Variants in MAPK10 observed in about 807,000 individuals in gnomAD.
MAPK10 encodes the protein mitogen-activated protein kinase 10, also known as JNK3 alpha protein kinase.
A neutral mutation model predicts 59.3 loss-of-function variants in MAPK10; 25 were observed. The ratio of observed to expected loss-of-function variants is 0.42; its 90% CI spans 0.31 to 0.59. MAPK10 has a LOEUF of 0.59. Among genes scored for constraint, MAPK10 ranks in the 20% least tolerant of loss-of-function variants. MAPK10 has a pLI of 0.15. For synonymous variants in MAPK10, 190 were observed against 200.5 expected, an observed-to-expected ratio of 0.95 and a Z score of 0.44; for missense variants, 351 against 568.9, an observed-to-expected ratio of 0.62 and a Z score of 3.90.
At chr4:86,532,307 A>G (rs938902377) in intron 1 of MAPK10, among the ~76,000 whole-genome samples, 1 of 152,148 alleles carries the variant, frequency 6.6e-6, no homozygotes, top group African/African-American at 2.4e-5. Flanking sequence ...CCAAGCTACT[A>G]TAAGGCAAGA....
At chr4:86,104,197 C>T (rs2056111316) in intron 5 of MAPK10, among the ~76,000 whole-genome samples, 1 of 152,008 alleles carries the variant, frequency 6.6e-6, no homozygotes, top group East Asian at 1.9e-4. Flanking sequence ...GAGAAATTGA[C>T]TCAATTCTAT....
intron 2 of MAPK10, among the ~76,000 whole-genome samples, chr4:86,259,020 A>G (rs1358013996): frequency 6.6e-6 from 1 of 152,194 alleles, no homozygotes; most frequent in African/African-American, 2.4e-5. Flanking sequence ...TAAAGTAATA[A>G]CAAAAAATGT....
At chr4:86,247,164 C>T (rs17011588) in intron 2 of MAPK10, among the ~76,000 whole-genome samples, 28,139 of 152,068 alleles carry the variant, frequency 0.19, 2,993 homozygotes, top group African/African-American at 0.29. Context: ...GATGAGAAAG[C>T]GAAGCCTCTA....
intron 9 of MAPK10, among the ~76,000 whole-genome samples, chr4:86,093,451 T>A (rs2053624979): frequency 6.6e-6 from 1 of 151,972 alleles, no homozygotes; most frequent in African/African-American, 2.4e-5. Context: ...AATTATAAGT[T>A]ATAAAGTTAG....
intron 1 of MAPK10, among the ~76,000 whole-genome samples, chr4:86,439,773 T>C (rs1749202542): frequency 6.6e-6 from 1 of 152,194 alleles, no homozygotes; most frequent in Non-Finnish European, 1.5e-5. Context: ...CAGGTTTGTT[T>C]GTTTCTTGTT....
chr4:86,371,183 G>A (rs941454467), intron 1 of MAPK10, among the ~76,000 whole-genome samples: 4 of 151,496 alleles, frequency 2.6e-5, no homozygotes, highest in East Asian at 3.9e-4. Flanking sequence ...AGTCAAAGTC[G>A]CTATCATTTT....
intron 4 of MAPK10, among the ~76,000 whole-genome samples, chr4:86,140,719 A>G (rs2063460370): frequency 6.6e-6 from 1 of 152,088 alleles, no homozygotes; most frequent in Non-Finnish European, 1.5e-5. Context: ...TTATGTATGC[A>G]TTCTGATTTC....
At chr4:86,158,746 C>T (rs186906621) in intron 4 of MAPK10, among the ~76,000 whole-genome samples, 1 of 151,926 alleles carries the variant, frequency 6.6e-6, no homozygotes, top group East Asian at 1.9e-4. Context: ...TTTTAATTAG[C>T]TACTCAAAAA....
chr4:86,373,047 G>T (rs1739155658), intron 1 of MAPK10, among the ~76,000 whole-genome samples: 1 of 152,166 alleles, frequency 6.6e-6, no homozygotes, highest in Non-Finnish European at 1.5e-5. Flanking sequence ...CATGGTAGTG[G>T]TACCAAAACA....
chr4:86,334,007 G>A (rs2096214827), intron 2 of MAPK10, among the ~76,000 whole-genome samples: 1 of 151,912 alleles, frequency 6.6e-6, no homozygotes, highest in African/African-American at 2.4e-5. Flanking sequence ...CTCCTATTTA[G>A]TGATGAGGAC....
chr4:86,579,882 C>T (rs1349831512), intron 1 of MAPK10, among the ~76,000 whole-genome samples: 1 of 152,108 alleles, frequency 6.6e-6, no homozygotes, highest in African/African-American at 2.4e-5. Flanking sequence ...GGCACGATCA[C>T]AGCTCACTGT....
At chr4:86,590,676 C>T (rs965422885) in intron 1 of MAPK10, among the ~76,000 whole-genome samples, 1 of 151,974 alleles carries the variant, frequency 6.6e-6, no homozygotes, top group Non-Finnish European at 1.5e-5. Flanking sequence ...GTCCTAGCTA[C>T]TTGGGAGGCT....
chr4:86,529,989 A>T (rs1757743224), intron 1 of MAPK10, among the ~76,000 whole-genome samples: 1 of 151,766 alleles, frequency 6.6e-6, no homozygotes, highest in Non-Finnish European at 1.5e-5. Flanking sequence ...TGGCTCTCAA[A>T]CCTAGCTGCA....
intron 1 of MAPK10, among the ~76,000 whole-genome samples, chr4:86,446,507 C>T (rs1449824998): frequency 2.0e-5 from 3 of 152,138 alleles, no homozygotes; most frequent in Non-Finnish European, 2.9e-5. Context: ...TTAGCTGACA[C>T]ACATAGCCCC....
intron 2 of MAPK10, among the ~76,000 whole-genome samples, chr4:86,228,977 A>G (rs1012909935): frequency 1.3e-5 from 2 of 152,230 alleles, no homozygotes; most frequent in African/African-American, 2.4e-5. Flanking sequence ...TTATAGTTCT[A>G]CAAGTCTCTA....
chr4:86,196,722 G>A (rs552443723), intron 2 of MAPK10, among the ~76,000 whole-genome samples: 4 of 152,198 alleles, frequency 2.6e-5, no homozygotes, highest in South Asian at 2.1e-4. Flanking sequence ...AATCCATCTC[G>A]AGCTAATTTT....
At chr4:86,169,239 G>T (rs2073134502) in intron 3 of MAPK10, among the ~76,000 whole-genome samples, 1 of 152,196 alleles carries the variant, frequency 6.6e-6, no homozygotes, top group Non-Finnish European at 1.5e-5. Flanking sequence ...GTTGAGAGAA[G>T]AAGGCTACAG....
At chr4:86,389,604 G>C (rs1409255452) in intron 1 of MAPK10, among the ~76,000 whole-genome samples, 1 of 152,186 alleles carries the variant, frequency 6.6e-6, no homozygotes, top group Admixed American at 6.5e-5. Context: ...AGGGGACTGG[G>C]TGTTGTGAAA....
At chr4:86,141,378 T>C (rs193278589) in intron 4 of MAPK10, among the ~76,000 whole-genome samples, 7 of 152,204 alleles carry the variant, frequency 4.6e-5, no homozygotes, top group Non-Finnish European at 8.8e-5. Flanking sequence ...TTTTTTAACC[T>C]GAGGAAATTG....
Sources: gnomAD v4.1 joint callset for allele counts (sites outside exome capture counted in the v4.1 genomes callset) on GRCh38, gnomAD v4.1.1 for gene constraint, MANE v1.5 for transcripts, NCBI Gene and HGNC (gene_info 2026-07-23, HGNC 2026-07-21) for gene names.